The following UNC5D variants were observed in gnomAD, a reference collection of about 807,000 sequenced individuals.
UNC5D encodes the protein netrin receptor UNC5D.
A neutral mutation model predicts 105.4 loss-of-function variants in UNC5D; 39 were observed. The ratio of observed to expected loss-of-function variants is 0.37; its 90% CI spans 0.29 to 0.48. The LOEUF (loss-of-function observed/expected upper bound fraction) is 0.48, where lower values mean the gene tolerates loss of function less well. Among genes scored for constraint, UNC5D ranks in the 20% least tolerant of loss-of-function variants. UNC5D has a pLI of 0.98. For missense variants in UNC5D, 991 were observed against 1,202.4 expected (o/e 0.82, Z 2.60); for synonymous variants, 452 against 450.4 (o/e 1.00, Z -0.04).
At chr8:35,735,422 T>A (rs1222692496) in intron 11 of UNC5D, among the ~76,000 whole-genome samples, 1 of 152,232 alleles carries the variant, frequency 6.6e-6, no homozygotes, top group Admixed American at 6.5e-5. Flanking sequence ...GTAAGTCATC[T>A]TATTGAAGAA....
At chr8:35,603,411 T>A (rs990072543) in intron 4 of UNC5D, among the ~76,000 whole-genome samples, 7 of 152,198 alleles carry the variant, frequency 4.6e-5, no homozygotes, top group Admixed American at 3.9e-4. Context: ...TGAGAGACAG[T>A]TTGCTATAAT....
In UNC5D at chr8:35,791,611, C is replaced by G. The variant is rs964734223; in HGVS notation, c.*1048C>G. 5.9e-5 allele frequency: 9 copies of G among 152,270 alleles called. No individual in the cohort carries two copies. The highest frequency in any genetic ancestry group is 1.9e-4 in the East Asian group (1 of 5,178). The allele number at this position is 152,270 out of a possible 1,614,324, so 9.4% of individuals were successfully genotyped here. A position where few individuals can be genotyped will look rare whatever the true frequency, so the allele number is the denominator to read the frequency against. ...TGGGTACTGTGTCATCACAAAATCTCTCAGTAAGGCTATATGTGATCCTCA... is the reference window on the plus strand; with the variant it reads ...TGGGTACTGTGTCATCACAAAATCTGTCAGTAAGGCTATATGTGATCCTCA... On this transcript the variant is annotated 3_prime_UTR_variant, in exon 17 of 17. Coordinates refer to ENST00000404895, the MANE Select transcript of UNC5D (RefSeq NM_080872.4).
intron 4 of UNC5D, among the ~76,000 whole-genome samples, chr8:35,604,013 C>T (rs1182301873): frequency 1.3e-5 from 2 of 152,042 alleles, no homozygotes; most frequent in South Asian, 4.1e-4. Context: ...CCAGTCTGTG[C>T]CTTTTAATTG....
At chr8:35,689,992 T>C (rs1826275915) in intron 7 of UNC5D, among the ~76,000 whole-genome samples, 1 of 152,198 alleles carries the variant, frequency 6.6e-6, no homozygotes, top group Non-Finnish European at 1.5e-5. Context: ...AAGATAGGCT[T>C]GGAATGTGTA....
rs564620321 is a variant in UNC5D at position 35,299,781 on chromosome 8, C to T, written c.103+63894C>T. Among the ~76,000 whole-genome samples the T allele has an allele frequency of 5.3e-5, 8 of 152,082 alleles. No homozygotes were observed. The East Asian group carries it at 1.6e-3, about 30-fold the overall frequency. On this transcript the variant is annotated intron_variant, in intron 1 of 16. Transcript: ENST00000404895. ...TTTGCTATTACCTAAATATTCACAC[C>T]TAAGAGAATGGTTGAATAAATGATA...
At chr8:35,576,478 G>A (rs1433511448) in intron 3 of UNC5D, among the ~76,000 whole-genome samples, 1 of 152,216 alleles carries the variant, frequency 6.6e-6, no homozygotes, top group Non-Finnish European at 1.5e-5. Context: ...TGATGAGACA[G>A]TGTTTCTATG....
At chr8:35,301,526 T>C (rs1807957295) in intron 1 of UNC5D, among the ~76,000 whole-genome samples, 1 of 152,180 alleles carries the variant, frequency 6.6e-6, no homozygotes, top group Admixed American at 6.5e-5. Flanking sequence ...AGAGAAATCA[T>C]CTGATTAGTT....
At chr8:35,467,589 A>AAAAAAAAAG (rs1554537851) in intron 1 of UNC5D, among the ~76,000 whole-genome samples, 4 of 126,238 alleles carry the variant, frequency 3.2e-5, no homozygotes, top group African/African-American at 5.6e-5. Context: ...AAAAAAAAAA[A>AAAAAAAAAG]AAGAAGAAAA....
intron 4 of UNC5D, among the ~76,000 whole-genome samples, chr8:35,623,049 G>C (rs781302127): frequency 1.3e-5 from 2 of 152,170 alleles, no homozygotes; most frequent in Non-Finnish European, 2.9e-5. Flanking sequence ...TACCAGTCAA[G>C]GTGGAACGTC....
intron 1 of UNC5D, among the ~76,000 whole-genome samples, chr8:35,290,894 G>C (rs189905502): frequency 5.5e-4 from 83 of 150,930 alleles, no homozygotes; most frequent in African/African-American, 2.0e-3. Flanking sequence ...GTTGCAGTGA[G>C]CTGAGATCGT....
intron 7 of UNC5D, among the ~76,000 whole-genome samples, chr8:35,705,165 C>T (rs937379669): frequency 6.6e-6 from 1 of 152,046 alleles, no homozygotes; most frequent in Non-Finnish European, 1.5e-5. Flanking sequence ...GGGGTTTCAC[C>T]GTGTTAGCCA....
chr8:35,341,850 A>G (rs118130724), intron 1 of UNC5D, among the ~76,000 whole-genome samples: 2,153 of 152,256 alleles, frequency 0.014, 19 homozygotes, highest in Middle Eastern at 0.044. Flanking sequence ...GATGTTGTAT[A>G]GGTGGTTTAT....
chr8:35,297,397 T>A (rs1807573676), intron 1 of UNC5D, among the ~76,000 whole-genome samples: 1 of 152,230 alleles, frequency 6.6e-6, no homozygotes, highest in Non-Finnish European at 1.5e-5. Flanking sequence ...TGAAGAGGCC[T>A]CTGAAATGAT....
At chr8:35,241,690 C>T (rs1802817077) in intron 1 of UNC5D, among the ~76,000 whole-genome samples, 1 of 147,338 alleles carries the variant, frequency 6.8e-6, no homozygotes, top group African/African-American at 2.5e-5. Flanking sequence ...TAAATTTTAA[C>T]ACTTTTTAAA....
At chr8:35,519,897 C>A (rs965038633) in intron 1 of UNC5D, among the ~76,000 whole-genome samples, 2 of 152,014 alleles carry the variant, frequency 1.3e-5, no homozygotes, top group South Asian at 2.1e-4. Context: ...TGGCTATAAT[C>A]AAAAAGACAG....
rs906771103 is a variant in UNC5D at position 35,525,289 on chromosome 8, G to A, written c.104-24003G>A. 7 of 1,612,058 alleles carry A rather than the reference G, an allele frequency of 4.3e-6. No individual in the cohort carries two copies. The East Asian group carries it at 1.1e-4, about 26-fold the overall frequency. ...TCAACTATTTTGCGTACATGGCTCA[G>A]TGCACTCCCCTCTTTGCCTTTACAG... On this transcript the variant is annotated intron_variant, in intron 1 of 16. Coordinates refer to ENST00000404895, the MANE Select transcript of UNC5D (RefSeq NM_080872.4).
At chr8:35,747,460 A>AT (rs1368715946) in intron 11 of UNC5D, among the ~76,000 whole-genome samples, 1 of 152,208 alleles carries the variant, frequency 6.6e-6, no homozygotes, top group African/African-American at 2.4e-5. Context: ...AGGATGAAGT[A>AT]TTTAACTGTC....
chr8:35,767,144 T>C lies in UNC5D; in HGVS notation c.2478+78T>C, dbSNP rs568163917. 9.6e-6 allele frequency: 14 copies of C among 1,465,030 alleles called. No homozygotes were observed. The East Asian group carries it at 1.6e-4, about 17-fold the overall frequency. The allele number at this position is 1,465,030 out of a possible 1,614,324, so 90.8% of individuals were successfully genotyped here. On this transcript the variant is annotated intron_variant, in intron 15 of 16. Transcript: ENST00000404895. ...ATAATAAAGCTATACCTACCAGCCG[T>C]GCTATTCAGGTTCTGAAAGAGCTTC...
chr8:35,268,986 A>G (rs1183519387), intron 1 of UNC5D, among the ~76,000 whole-genome samples: 1 of 152,204 alleles, frequency 6.6e-6, no homozygotes, highest in Non-Finnish European at 1.5e-5. Flanking sequence ...AATTCATGAA[A>G]CAGTATGTGG....
Sources: allele counts gnomAD v4.1 joint callset (sites outside exome capture counted in the v4.1 genomes callset), GRCh38; gene constraint gnomAD v4.1.1; transcripts MANE v1.5; gene names NCBI Gene and HGNC (gene_info 2026-07-23, HGNC 2026-07-21).